DNMT3B: variants seen among roughly 807,000 people sequenced by gnomAD.
DNMT3B encodes DNA (cytosine-5)-methyltransferase 3B.
A neutral mutation model predicts 120.2 loss-of-function variants in DNMT3B; 37 were observed. The ratio of observed to expected loss-of-function variants is 0.31; its 90% CI spans 0.24 to 0.40. The LOEUF (loss-of-function observed/expected upper bound fraction) is 0.40, where lower values mean the gene tolerates loss of function less well. Among genes scored for constraint, DNMT3B ranks in the 10% least tolerant of loss-of-function variants. The pLI is 1.00. For synonymous variants in DNMT3B, 412 were observed against 442.8 expected, an observed-to-expected ratio of 0.93 and a Z score of 0.87; for missense variants, 878 against 1,137.3, an observed-to-expected ratio of 0.77 and a Z score of 3.28.
rs1386470829 is a variant in DNMT3B at position 32,808,343 on chromosome 20, C to T, written c.*440C>T. On this transcript the variant is annotated 3_prime_UTR_variant, in exon 23 of 23. Transcript: ENST00000328111. The stretch of plus-strand genomic sequence containing the variant: ...GAGTTTAATTTTTGAAAACTGGCTA[C>T]TGCTCTGTGTTTACAGACGTGTGCA... The T allele has an allele frequency of 6.4e-6, 2 of 313,462 alleles. No individual in the cohort carries two copies. Among genetic ancestry groups the T allele is most frequent in the Non-Finnish European group, 1.2e-5 (2 of 166,240 alleles). 19.4% of individuals were successfully genotyped at this position (313,462 alleles called of 1,614,324 possible). A position where few individuals can be genotyped will look rare whatever the true frequency, so the allele number is the denominator to read the frequency against.
chr20:32,796,670 A>G, intron 12 of DNMT3B, 120 bp from the exon 13 acceptor site: 1 of 1,078,826 alleles, frequency 9.3e-7, no homozygotes, highest in East Asian at 2.4e-5. Flanking sequence ...CCTGAGGTGC[A>G]AAGAGTCCTT....
At chr20:32,804,850 G>T (rs1395245766) in intron 20 of DNMT3B, among the ~76,000 whole-genome samples, 1 of 152,036 alleles carries the variant, frequency 6.6e-6, no homozygotes, top group African/African-American at 2.4e-5. Context: ...AACCACTGCA[G>T]GCGGTTGCCA....
At chr20:32,780,687 G>GT (rs1568831304) in intron 2 of DNMT3B, among the ~76,000 whole-genome samples, 2 of 152,182 alleles carry the variant, frequency 1.3e-5, no homozygotes, top group Non-Finnish European at 2.9e-5. Context: ...GACTCTGAGC[G>GT]TGACACAAGG....
chr20:32,787,729 G>A (rs1477937947), intron 6 of DNMT3B, among the ~76,000 whole-genome samples: 3 of 152,118 alleles, frequency 2.0e-5, no homozygotes, highest in Non-Finnish European at 4.4e-5. Flanking sequence ...AACTGCGTAC[G>A]TTATACATTT....
chr20:32,792,264 C>A (rs557787632), intron 8 of DNMT3B, among the ~76,000 whole-genome samples: 1 of 152,148 alleles, frequency 6.6e-6, no homozygotes, highest in East Asian at 1.9e-4. Context: ...AAATCTAGTG[C>A]CGCCTTATAT....
rs1981143647 is a variant in DNMT3B at position 32,800,134 on chromosome 20, G to A, written c.1760-19G>A. 6.2e-7 allele frequency: 1 copy of A among 1,614,166 alleles called. No homozygotes were observed. Among genetic ancestry groups the A allele is most frequent in the Non-Finnish European group, 8.5e-7 (1 of 1,180,040 alleles). On this transcript the variant is annotated intron_variant, in intron 16 of 22. Transcript: ENST00000328111. ...TGCTCAGCATCATTTATGCTTCTGT[G>A]TCTCTCTGGCCCCCACAGGCTACCT...
At chr20:32,770,720 C>A (rs545163456) in intron 1 of DNMT3B, among the ~76,000 whole-genome samples, 1 of 151,528 alleles carries the variant, frequency 6.6e-6, no homozygotes, top group Non-Finnish European at 1.5e-5. Context: ...TCAAGTGATT[C>A]TCTTGCCTCA....
Position 32,765,979 on chromosome 20 carries a change from A to T in DNMT3B, c.-7+3280A>T, listed in dbSNP as rs6058874. On this transcript the variant is annotated intron_variant, in intron 1 of 22. Coordinates refer to ENST00000328111, the MANE Select transcript of DNMT3B (RefSeq NM_006892.4). ...TCACCGTGTTCGCCAGGATGGTCTC[A>T]ATCTCCTGACCTCCTGATCCACCCG... is the stretch of plus-strand genomic sequence containing the variant. 7.9e-5 allele frequency among the ~76,000 whole-genome samples: 12 copies of T among 150,998 alleles called. 1 individual carries two copies. In the South Asian group the frequency reaches 2.3e-3, roughly 29 times the overall value.
intron 9 of DNMT3B, 77 bp downstream of exon 9, chr20:32,792,847 C>CT (rs2145983697): frequency 1.3e-6 from 2 of 1,590,160 alleles, no homozygotes; most frequent in South Asian, 2.2e-5. Context: ...GCCACCCCTG[C>CT]TGCCCCACAC....
At chr20:32,798,064 C>T (rs1311654905) in intron 14 of DNMT3B, among the ~76,000 whole-genome samples, 3 of 151,930 alleles carry the variant, frequency 2.0e-5, no homozygotes, top group Non-Finnish European at 2.9e-5. Flanking sequence ...ACCTCAGCCT[C>T]CCAAAGCCCC....
chr20:32,802,262 T>G (rs1981434593), intron 19 of DNMT3B, 123 bp from the exon 20 acceptor site: 6 of 1,032,020 alleles, frequency 5.8e-6, no homozygotes, highest in Middle Eastern at 2.1e-4. Flanking sequence ...AGTAGGTCTT[T>G]CCTGTTTTGG....
In DNMT3B at chr20:32,808,410, A is replaced by G. The variant is rs911072169; in HGVS notation, c.*507A>G. The G allele has an allele frequency of 2.5e-5, 6 of 244,856 alleles. No homozygotes were observed. Among genetic ancestry groups the G allele is most frequent in the African/African-American group, 1.3e-4 (6 of 45,224 alleles). 15.2% of individuals were successfully genotyped at this position (244,856 alleles called of 1,614,324 possible). A position where few individuals can be genotyped will look rare whatever the true frequency, so the allele number is the denominator to read the frequency against. On this transcript the variant is annotated 3_prime_UTR_variant, in exon 23 of 23. Transcript: ENST00000328111. ...TACAGGACATTTTTAAGGGCCCAGG[A>G]TCGTTTTTTCCCAGGGCAAGCAGAA...
intron 9 of DNMT3B, 119 bp downstream of exon 9, chr20:32,792,889 T>C: frequency 6.9e-7 from 1 of 1,458,936 alleles, no homozygotes; most frequent in Non-Finnish European, 9.4e-7. Flanking sequence ...TGGTCTCAAC[T>C]CTGAATGTTG....
intron 3 of DNMT3B, 148 bp downstream of exon 3, chr20:32,781,562 T>C: frequency 1.2e-6 from 1 of 844,082 alleles, no homozygotes; most frequent in South Asian, 1.5e-5. Context: ...TTTGGCATTA[T>C]TTTTTCAATC....
rs545177084 is a variant in DNMT3B, at chr20:32,768,281, C to T, written c.-7+5582C>T. Among the ~76,000 whole-genome samples, 330 of 120,066 alleles carry T rather than the reference C, an allele frequency of 2.7e-3. 2 individuals carry two copies. The highest frequency in any genetic ancestry group is 0.013 in the African/African-American group (313 of 23,736). The allele number at this position is 120,066 out of a possible 152,430, so 78.8% of individuals were successfully genotyped here. A position where few individuals can be genotyped will look rare whatever the true frequency, so the allele number is the denominator to read the frequency against. On this transcript the variant is annotated intron_variant, in intron 1 of 22. Coordinates refer to ENST00000328111, the MANE Select transcript of DNMT3B (RefSeq NM_006892.4). ...CGGGATCTCGGCTCACCACAACCCC[C>T]GCTTCCCGGGTTCAAGCAATTCTGA... is the stretch of plus-strand genomic sequence containing the variant.
At chr20:32,801,572 G>A in intron 19 of DNMT3B, 146 bp downstream of exon 19, 1 of 1,079,994 alleles carries the variant, frequency 9.3e-7, no homozygotes, top group Non-Finnish European at 1.4e-6. Flanking sequence ...GATTCAGTGG[G>A]TTCTCTTAGT....
At chr20:32,764,330 G>C (rs1664163542) in intron 1 of DNMT3B, among the ~76,000 whole-genome samples, 1 of 152,158 alleles carries the variant, frequency 6.6e-6, no homozygotes, top group Non-Finnish European at 1.5e-5. Context: ...AGGCATAATA[G>C]CCTCTACCAC....
chr20:32,791,842 C>A, intron 8 of DNMT3B, 134 bp downstream of exon 8: 2 of 916,952 alleles, frequency 2.2e-6, no homozygotes, highest in East Asian at 2.6e-5. Context: ...TAAATGACAA[C>A]ATAACATGAT....
In DNMT3B at chr20:32,762,496, G is replaced by C. The variant is rs755584466; in HGVS notation, c.-210G>C. 6 of 247,708 alleles carry C rather than the reference G, an allele frequency of 2.4e-5. No homozygotes were observed. The highest frequency in any genetic ancestry group is 7.0e-5 in the African/African-American group (3 of 42,964). The allele number at this position is 247,708 out of a possible 1,614,324, so 15.3% of individuals were successfully genotyped here. A position where few individuals can be genotyped will look rare whatever the true frequency, so the allele number is the denominator to read the frequency against. Reference sequence around the variant, plus strand: ...CGAGCGCCCCCCGACGGACGGGACCGGCTCCCTGGCGGTCGGGCGAGCGGG... The same window carrying C: ...CGAGCGCCCCCCGACGGACGGGACCCGCTCCCTGGCGGTCGGGCGAGCGGG... On this transcript the variant is annotated 5_prime_UTR_variant, in exon 1 of 23. Transcript: ENST00000328111.
Sources: gnomAD v4.1 joint callset for allele counts (sites outside exome capture counted in the v4.1 genomes callset) on GRCh38, gnomAD v4.1.1 for gene constraint, MANE v1.5 for transcripts, NCBI Gene and HGNC (gene_info 2026-07-23, HGNC 2026-07-21) for gene names.